DNASE1L1: variants seen among roughly 807,000 people sequenced by gnomAD.
DNASE1L1 encodes deoxyribonuclease 1 like 1.
A neutral mutation model predicts 18.6 loss-of-function variants in DNASE1L1; 8 were observed. The observed-to-expected ratio is 0.43, with a 90% CI of 0.25 to 0.78. DNASE1L1 has a LOEUF of 0.78. Ranked by LOEUF, DNASE1L1 falls within the 30% of genes least tolerant of loss-of-function variation. The probability of loss-of-function intolerance (pLI) is 0.23; values close to 1 mark genes in which losing one functional copy is unlikely to be tolerated. For synonymous variants in DNASE1L1, 114 were observed against 114.2 expected, an observed-to-expected ratio of 1.00 and a Z score of 0.01; for missense variants, 214 against 258.2, an observed-to-expected ratio of 0.83 and a Z score of 1.17.
chrX:154,405,770 T>C (rs2068137743), intron 1 of DNASE1L1, 115 bp from the exon 2 acceptor site: 1 of 294,016 alleles, frequency 3.4e-6, no homozygotes, highest in Non-Finnish European at 5.8e-6. Context: ...AGACTCTGTC[T>C]CCAAAAAAAA....
At position 154,403,327 on chromosome X, in the gene DNASE1L1, T is replaced by C; in HGVS notation, c.467A>G (p.Lys156Arg). The part of the protein sequence containing the change: ...PLHTTPKAVE[K>R]ELNALYDVFL... Reference sequence around the variant, plus strand: ...CACATCGTAGAGGGCGTTCAGCTCCTTCTCTACGGCCTTAGGAGTGGTGTG... The same window carrying C: ...CACATCGTAGAGGGCGTTCAGCTCCCTCTCTACGGCCTTAGGAGTGGTGTG... The change falls in exon 6 of 8, where the codon AAG becomes AGG. Residue 156 changes from lysine to arginine, a missense_variant. Coordinates refer to ENST00000369807, the MANE Select transcript of DNASE1L1 (RefSeq NM_001303620.2). 8.3e-7 allele frequency: 1 copy of C among 1,211,516 alleles called. No individual in the cohort carries two copies. The highest frequency in any genetic ancestry group is 1.1e-6 in the Non-Finnish European group (1 of 895,430).
In DNASE1L1 at chrX:154,405,026, C is replaced by T. The variant is rs782288295; in HGVS notation, c.193G>A (p.Ala65Thr). 19 of 1,209,236 alleles carry T rather than the reference C, an allele frequency of 1.6e-5. No homozygotes were observed. Among genetic ancestry groups the T allele is most frequent in the Non-Finnish European group, 1.8e-5 (16 of 894,582 alleles). ...AGTTCTCGAAGCAGGAGCGGGATGG[C>T]GCTGCCGGAAGAGTCCACCACCTCC... is the stretch of plus-strand genomic sequence containing the variant. ...LQEVVDSSGS[A>T]IPLLLRELNR... The change falls in exon 3 of 8, where the codon GCC becomes ACC. Residue 65 changes from alanine (A) to threonine (T), a missense_variant. Coordinates refer to ENST00000369807, the MANE Select transcript of DNASE1L1 (RefSeq NM_001303620.2).
chrX:154,410,426 G>A (rs1336546318), upstream of DNASE1L1, among the ~76,000 whole-genome samples: 3 of 110,679 alleles, frequency 2.7e-5, no homozygotes, highest in Non-Finnish European at 5.7e-5. Context: ...GGTGGCTTGC[G>A]CCTGTAATCC....
At chrX:154,411,659 C>T (rs782144342), upstream of DNASE1L1, 19 of 490,785 alleles carry the variant, frequency 3.9e-5, no homozygotes, top group Non-Finnish European at 5.8e-5. Context: ...GAGAGCGGGG[C>T]CGGGCGCTGC....
At chrX:154,411,870 C>G (rs1223065368), upstream of DNASE1L1, 6 of 1,201,304 alleles carry the variant, frequency 5.0e-6, no homozygotes, top group African/African-American at 7.0e-5. Flanking sequence ...AGTGGCCGTT[C>G]CCCGCGGTGC....
chrX:154,404,976 C>T lies in DNASE1L1; in HGVS notation c.224+19G>A, dbSNP rs781825315. 46 of 1,205,917 alleles carry T rather than the reference C, an allele frequency of 3.8e-5. No homozygotes were observed. In the African/African-American group the frequency reaches 7.7e-4, roughly 20 times the overall value. The stretch of plus-strand genomic sequence containing the variant: ...GCCTCTGGGTGTGCCCCTGATTAGA[C>T]CCACAGAATCTTCCTCACCGATTGA... On this transcript the variant is annotated intron_variant, in intron 3 of 7. Coordinates refer to ENST00000369807, the MANE Select transcript of DNASE1L1 (RefSeq NM_001303620.2).
upstream of DNASE1L1, chrX:154,411,653 G>T: frequency 2.1e-6 from 1 of 486,913 alleles, no homozygotes; most frequent in Non-Finnish European, 3.7e-6. Flanking sequence ...TGACGAGAGA[G>T]CGGGGCCGGG....
chrX:154,407,894 T>C (rs1750774184), intron 1 of DNASE1L1, among the ~76,000 whole-genome samples: 1 of 103,271 alleles, frequency 9.7e-6, no homozygotes, highest in African/African-American at 3.6e-5. Context: ...GCCTTCCGAG[T>C]AGATGGGACT....
rs1557189198 is a variant in DNASE1L1 at position 154,409,192 on chromosome X, T to C, written c.-168A>G. 1 of 333,960 alleles carries C rather than the reference T, an allele frequency of 3.0e-6. No homozygotes were observed. Among genetic ancestry groups the C allele is most frequent in the African/African-American group, 2.7e-5 (1 of 37,606 alleles). 27.5% of individuals were successfully genotyped at this position (333,960 alleles called of 1,213,427 possible). ...CCCAGAAGAGCAGCTCCTGCCTGAA[T>C]AGGGCTAGGAGGGGAAAAAAAAGAG... On this transcript the variant is annotated 5_prime_UTR_variant, in exon 1 of 8. Transcript: ENST00000369807.
chrX:154,405,132 G>C, intron 2 of DNASE1L1, 49 bp from the exon 3 acceptor site: 1 of 1,137,688 alleles, frequency 8.8e-7, no homozygotes, highest in East Asian at 3.0e-5. Flanking sequence ...ACTGCCCTGA[G>C]AGGAGGCAGT....
chrX:154,409,243 C>T lies in DNASE1L1; in HGVS notation c.-219G>A. ...GAAGAGGCTGTGTTCCTGAGCCACC[C>T]GGCCAGGAAGGGCCTGGCTGGGCCG... On this transcript the variant is annotated 5_prime_UTR_variant, in exon 1 of 8. Coordinates refer to ENST00000369807, the MANE Select transcript of DNASE1L1 (RefSeq NM_001303620.2). 1 of 286,179 alleles carries T rather than the reference C, an allele frequency of 3.5e-6. No individual in the cohort carries two copies. Among genetic ancestry groups the T allele is most frequent in the South Asian group, 3.3e-5 (1 of 30,455 alleles). 23.6% of individuals were successfully genotyped at this position (286,179 alleles called of 1,213,427 possible). A position where few individuals can be genotyped will look rare whatever the true frequency, so the allele number is the denominator to read the frequency against.
upstream of DNASE1L1, among the ~76,000 whole-genome samples, chrX:154,410,545 T>C (rs1024672512): frequency 9.3e-6 from 1 of 107,659 alleles, no homozygotes; most frequent in Non-Finnish European, 1.9e-5. Context: ...AGAGCAAGAC[T>C]CTGTCTCAAA....
At chrX:154,403,490 C>G (rs1293393685) in intron 5 of DNASE1L1, 32 bp downstream of exon 5, 1 of 1,199,346 alleles carries the variant, frequency 8.3e-7, no homozygotes, top group Non-Finnish European at 1.1e-6. Context: ...CCCTTCTGCT[C>G]CCACATACCA....
Position 154,405,586 on chromosome X carries a change from G to A in DNASE1L1, c.-18C>T, listed in dbSNP as rs370166630. ...TAGTGCATGGCTGTGTGTGGCTGCC[G>A]GGGACACCCCAGGAATCCAGGCTGC... On this transcript the variant is annotated 5_prime_UTR_variant, in exon 2 of 8. Transcript: ENST00000369807. 29 of 1,124,965 alleles carry A rather than the reference G, an allele frequency of 2.6e-5. No individual in the cohort carries two copies. Among genetic ancestry groups the A allele is most frequent in the Middle Eastern group, 3.4e-4 (1 of 2,966 alleles). 92.7% of individuals were successfully genotyped at this position (1,124,965 alleles called of 1,213,427 possible).
intron 1 of DNASE1L1, among the ~76,000 whole-genome samples, chrX:154,407,767 C>CTTTT (rs1232966344): frequency 4.2e-5 from 3 of 71,556 alleles, no homozygotes; most frequent in African/African-American, 1.1e-4. Flanking sequence ...GGCCCCCCCC[C>CTTTT]TTTTTTTTTT....
chrX:154,407,767 C>CTTTTT (rs1232966344), intron 1 of DNASE1L1, among the ~76,000 whole-genome samples: 3 of 71,545 alleles, frequency 4.2e-5, no homozygotes, highest in African/African-American at 5.3e-5. Context: ...GGCCCCCCCC[C>CTTTTT]TTTTTTTTTT....
In DNASE1L1 at chrX:154,404,934, C is replaced by A; in HGVS notation, c.225-20G>T. 8.3e-7 allele frequency: 1 copy of A among 1,207,506 alleles called. No homozygotes were observed. The highest frequency in any genetic ancestry group is 1.8e-5 in the South Asian group (1 of 56,507). ...TCAAATCTGCCAAGAAAAGGGGAGG[C>A]GGGGTCAGGGCCTCAAGCCTCTGGG... is the stretch of plus-strand genomic sequence containing the variant. On this transcript the variant is annotated intron_variant, in intron 3 of 7. Coordinates refer to ENST00000369807, the MANE Select transcript of DNASE1L1 (RefSeq NM_001303620.2).
intron 2 of DNASE1L1, 101 bp from the exon 3 acceptor site, chrX:154,405,184 G>C (rs1378236244): frequency 1.6e-5 from 14 of 898,156 alleles, no homozygotes; most frequent in Non-Finnish European, 2.0e-5. Context: ...GAGTGTTAAG[G>C]CTCACTGACT....
intron 4 of DNASE1L1, among the ~76,000 whole-genome samples, chrX:154,404,384 C>T (rs1026525827): frequency 7.2e-5 from 8 of 111,373 alleles, no homozygotes; most frequent in African/African-American, 2.6e-4. Context: ...ATCAGTTCTC[C>T]TTCCCTGCAG....
Sources: gnomAD v4.1 joint callset for allele counts (sites outside exome capture counted in the v4.1 genomes callset) on GRCh38, gnomAD v4.1.1 for gene constraint, MANE v1.5 for transcripts, NCBI Gene and HGNC (gene_info 2026-07-23, HGNC 2026-07-21) for gene names.